CELF2: variants seen among roughly 807,000 people sequenced by gnomAD.
CELF2 encodes the protein CUGBP Elav-like family member 2, also known as CUG triplet repeat RNA-binding protein 2.
A neutral mutation model predicts 62.6 loss-of-function variants in CELF2; 8 were observed. The ratio of observed to expected loss-of-function variants is 0.13; its 90% confidence interval spans 0.07 to 0.23. The LOEUF is 0.23. Among genes scored for constraint, CELF2 ranks in the 10% least tolerant of loss-of-function variants. CELF2 has a pLI of 1.00. For missense variants in CELF2, 333 were observed against 671.0 expected, an observed-to-expected ratio of 0.50 and a Z score of 5.56; for synonymous variants, 258 against 250.0, an observed-to-expected ratio of 1.03 and a Z score of -0.30.
the CELF2 span, among the ~76,000 whole-genome samples, chr10:10,474,915 C>A: frequency 6.6e-6 from 1 of 152,018 alleles, no homozygotes; most frequent in East Asian, 1.9e-4. Flanking sequence ...TTAGGGCATA[C>A]TTTAGTAGTA....
the CELF2 span, among the ~76,000 whole-genome samples, chr10:10,692,090 A>C: frequency 6.6e-6 from 1 of 150,436 alleles, no homozygotes; most frequent in East Asian, 2.1e-4. Flanking sequence ...GCCCATGCTT[A>C]TGTCCTGAAT....
chr10:10,621,322 G>A, the CELF2 span, among the ~76,000 whole-genome samples: 1 of 150,956 alleles, frequency 6.6e-6, no homozygotes, highest in Non-Finnish European at 1.5e-5. Context: ...AATGTGCAGT[G>A]TAAACATCAG....
chr10:10,956,377 T>G (rs1592384045), intron 2 of CELF2, among the ~76,000 whole-genome samples: 1 of 152,134 alleles, frequency 6.6e-6, no homozygotes, highest in African/African-American at 2.4e-5. Flanking sequence ...TCCAGGTACT[T>G]TATTGGCTTG....
the CELF2 span, among the ~76,000 whole-genome samples, chr10:10,613,832 G>A: frequency 6.6e-6 from 1 of 152,130 alleles, no homozygotes; most frequent in South Asian, 2.1e-4. Flanking sequence ...GTGCAAAATA[G>A]AAACGATTCT....
chr10:11,193,688 A>G (rs1013025095), intron 2 of CELF2, among the ~76,000 whole-genome samples: 13 of 152,366 alleles, frequency 8.5e-5, no homozygotes, highest in Admixed American at 7.2e-4. Context: ...TGAGGGGCCA[A>G]TATAGGTTTC....
At chr10:10,547,634 G>A in the CELF2 span, among the ~76,000 whole-genome samples, 2 of 150,548 alleles carry the variant, frequency 1.3e-5, no homozygotes, top group South Asian at 2.1e-4. Context: ...TCCCACCTCC[G>A]CTAAATGTCA....
chr10:11,167,338 C>A lies in CELF2; in HGVS notation c.271+1656C>A, dbSNP rs1212613382. Among the ~76,000 whole-genome samples the A allele has an allele frequency of 1.6e-4, 24 of 152,188 alleles. 1 individual carries two copies. Among genetic ancestry groups the A allele is most frequent in the Admixed American group, 1.6e-3 (24 of 15,284 alleles). ...CAGCCAGACTGTCACCTAGGGAAAA[C>A]TAGACCAGAGGCAGTAAACTATGCT... is the stretch of plus-strand genomic sequence containing the variant. On this transcript the variant is annotated intron_variant, in intron 2 of 12. Coordinates refer to ENST00000633077, the MANE Select transcript of CELF2 (RefSeq NM_001326342.2).
chr10:10,992,508 C>T (rs950262291), intron 2 of CELF2, among the ~76,000 whole-genome samples: 1 of 152,044 alleles, frequency 6.6e-6, no homozygotes. Flanking sequence ...GTCATATGAT[C>T]GAAGGAGGGC....
chr10:10,564,682 GCA>G, the CELF2 span, among the ~76,000 whole-genome samples: 6,474 of 130,344 alleles, frequency 0.05, 359 homozygotes, highest in African/African-American at 0.13. Flanking sequence ...ACGCACACAC[GCA>G]CACACACACA....
the CELF2 span, among the ~76,000 whole-genome samples, chr10:10,745,205 G>A: frequency 2.3e-3 from 344 of 151,994 alleles, no homozygotes; most frequent in Non-Finnish European, 4.2e-3. Flanking sequence ...GCCTACTTGT[G>A]ATTTTCTGTT....
the CELF2 span, among the ~76,000 whole-genome samples, chr10:10,473,126 A>G: frequency 6.6e-6 from 1 of 152,058 alleles, no homozygotes; most frequent in Admixed American, 6.6e-5. Flanking sequence ...TTATTTGAAA[A>G]TAAGGTCATT....
chr10:10,940,092 C>T (rs1461769433), intron 2 of CELF2, among the ~76,000 whole-genome samples: 1 of 152,116 alleles, frequency 6.6e-6, no homozygotes, highest in African/African-American at 2.4e-5. Context: ...AAATTTTATG[C>T]TTGCCAGGTT....
At chr10:11,036,427 T>C (rs1999207) in intron 1 of CELF2, among the ~76,000 whole-genome samples, 64,642 of 152,144 alleles carry the variant, frequency 0.42, 14,274 homozygotes, top group East Asian at 0.78. Flanking sequence ...AGTTACTAAT[T>C]GAGGGTATGT....
At chr10:10,953,982 G>A (rs900319663) in intron 2 of CELF2, among the ~76,000 whole-genome samples, 1 of 151,780 alleles carries the variant, frequency 6.6e-6, no homozygotes, top group South Asian at 2.1e-4. Context: ...ACAGGAAAAG[G>A]TATTGAAATT....
intron 1 of CELF2, among the ~76,000 whole-genome samples, chr10:10,828,345 A>G (rs904976570): frequency 2.0e-5 from 3 of 152,236 alleles, no homozygotes; most frequent in East Asian, 3.8e-4. Context: ...AAAGAGGGGA[A>G]TTCTGACCCA....
intron 2 of CELF2, among the ~76,000 whole-genome samples, chr10:11,182,040 G>A (rs1185971567): frequency 6.6e-6 from 1 of 152,184 alleles, no homozygotes; most frequent in Non-Finnish European, 1.5e-5. Flanking sequence ...ACTGTAGTGT[G>A]AAAAGCTTTG....
Position 10,997,605 on chromosome 10 carries a change from C to T in CELF2, c.89+77606C>T, listed in dbSNP as rs575345562. Among the ~76,000 whole-genome samples, 7 of 152,200 alleles carry T rather than the reference C, an allele frequency of 4.6e-5. No individual in the cohort carries two copies. Among genetic ancestry groups the T allele is most frequent in the Non-Finnish European group, 8.8e-5 (6 of 68,038 alleles). The stretch of plus-strand genomic sequence containing the variant: ...TGGTCGAGTAACGTAGTTTCTCTGA[C>T]CTGGCACTTTGAGCAGGAAGAAAGG... On this transcript the variant is annotated intron_variant, in intron 2 of 13. Transcript: ENST00000636488. This position sits in a 1 kb window ranked among gnomAD's most constrained non-coding sequence, Gnocchi z 5.3.
upstream of CELF2, among the ~76,000 whole-genome samples, chr10:11,003,279 C>G (rs554108888): frequency 6.6e-6 from 1 of 152,174 alleles, no homozygotes; most frequent in African/African-American, 2.4e-5. The surrounding 1 kb of genome is among the most constrained non-coding windows in gnomAD (Gnocchi z 4.4). Context: ...CAATTTATTT[C>G]ACTGTAGGAA....
chr10:10,655,871 TG>T, the CELF2 span, among the ~76,000 whole-genome samples: 1 of 134,858 alleles, frequency 7.4e-6, no homozygotes, highest in South Asian at 3.1e-4. Flanking sequence ...AATTGACAAA[TG>T]GGATCTCATT....
Sources: gnomAD v4.1 joint callset for allele counts (sites outside exome capture counted in the v4.1 genomes callset) on GRCh38, gnomAD v4.1.1 for gene constraint, Gnocchi (gnomAD v3.1) non-coding constraint, MANE v1.5 for transcripts, NCBI Gene and HGNC (gene_info 2026-07-23, HGNC 2026-07-21) for gene names.